Variants in KHDC1 observed in about 807,000 individuals in gnomAD.
The protein encoded by KHDC1 is KH homology domain-containing protein 1.
In KHDC1, 21 loss-of-function variants were observed where a neutral mutation model predicts 24.7. That is an observed-to-expected ratio of 0.85 (90% confidence interval 0.60 to 1.23). KHDC1 has a LOEUF of 1.23. KHDC1 is among the 50% of genes most tolerant of loss of function. The pLI is 0.00. For missense variants in KHDC1, 274 were observed against 298.5 expected, an observed-to-expected ratio of 0.92 and a Z score of 0.61; for synonymous variants, 98 against 111.7, an observed-to-expected ratio of 0.88 and a Z score of 0.77.
intron 1 of KHDC1, among the ~76,000 whole-genome samples, chr6:73,308,543 C>T (rs1350069155): frequency 6.7e-6 from 1 of 150,226 alleles, no homozygotes; most frequent in African/African-American, 2.4e-5. Flanking sequence ...GGGTCTCACT[C>T]CGATTGCCCA....
intron 2 of KHDC1, among the ~76,000 whole-genome samples, chr6:73,265,027 T>C (rs1329394566): frequency 1.3e-5 from 2 of 151,098 alleles, no homozygotes. Flanking sequence ...ATAAAAGGAG[T>C]CATTCAGCCC....
At chr6:73,249,120 T>A (rs945461816) in intron 2 of KHDC1, among the ~76,000 whole-genome samples, 24 of 152,130 alleles carry the variant, frequency 1.6e-4, no homozygotes, top group Non-Finnish European at 2.5e-4. Flanking sequence ...AGAAACCATT[T>A]AACTTTTGTG....
intron 2 of KHDC1, chr6:73,262,920 T>C: frequency 1.0e-6 from 1 of 987,494 alleles, no homozygotes; most frequent in Non-Finnish European, 1.2e-6. Context: ...TCTCTGTCCC[T>C]TCACCGGACT....
intron 2 of KHDC1, chr6:73,263,109 G>A (rs887230681): frequency 2.0e-6 from 2 of 1,009,242 alleles, no homozygotes; most frequent in Non-Finnish European, 2.4e-6. Context: ...ATTGTGAGGA[G>A]ACAGCGGTAC....
At chr6:73,275,421 C>T (rs1582570605) in intron 2 of KHDC1, 1 of 167,140 alleles carries the variant, frequency 6.0e-6, no homozygotes, top group East Asian at 1.9e-4. Context: ...AGCCTGGTTG[C>T]AACCCTGTGC....
At chr6:73,296,183 G>A (rs1044348846) in intron 1 of KHDC1, among the ~76,000 whole-genome samples, 3 of 150,534 alleles carry the variant, frequency 2.0e-5, no homozygotes, top group African/African-American at 4.9e-5. Context: ...GGCCAGGTGC[G>A]GTGGCTCATG....
intron 2 of KHDC1, among the ~76,000 whole-genome samples, chr6:73,267,483 A>G (rs1333104011): frequency 9.9e-5 from 15 of 152,054 alleles, no homozygotes; most frequent in Non-Finnish European, 1.2e-4. Flanking sequence ...ACTCCATCTC[A>G]AAAAAAAGAA....
intron 1 of KHDC1, chr6:73,300,197 C>CT (rs1767848702): frequency 6.6e-6 from 1 of 152,352 alleles, no homozygotes; most frequent in Admixed American, 6.5e-5. Flanking sequence ...AAGGCAGTGT[C>CT]ACTCTTCAGG....
intron 1 of KHDC1, among the ~76,000 whole-genome samples, chr6:73,305,457 C>A (rs902727535): frequency 2.6e-5 from 4 of 151,958 alleles, no homozygotes; most frequent in African/African-American, 9.7e-5. Context: ...TTTTTAGTTT[C>A]TCTGTGTCTG....
At chr6:73,309,603 T>C in exon 1 of KHDC1, 1 of 1,547,284 alleles carries the variant, frequency 6.5e-7, no homozygotes, top group South Asian at 1.2e-5. Context: ...ATCAGGAGCA[T>C]CGCAAGGGTC....
chr6:73,259,572 T>C (rs1475448030), intron 2 of KHDC1, among the ~76,000 whole-genome samples: 2 of 152,162 alleles, frequency 1.3e-5, no homozygotes, highest in Admixed American at 6.6e-5. Flanking sequence ...AATATTCACA[T>C]TGAGAAAGCC....
At chr6:73,241,819 G>T in intron 4 of KHDC1, 91 bp from the exon 4 acceptor site, 2 of 1,402,396 alleles carry the variant, frequency 1.4e-6, no homozygotes, top group Non-Finnish European at 2.0e-6. Flanking sequence ...CTGCAGGGAG[G>T]ATGTCACCCC....
intron 2 of KHDC1, among the ~76,000 whole-genome samples, chr6:73,289,600 T>C (rs1767598826): frequency 6.8e-6 from 1 of 146,324 alleles, no homozygotes. Context: ...CAGTGAGCCA[T>C]GATCACGCCA....
At chr6:73,277,985 G>A (rs1287043901) in intron 2 of KHDC1, among the ~76,000 whole-genome samples, 5 of 128,370 alleles carry the variant, frequency 3.9e-5, no homozygotes, top group Non-Finnish European at 3.2e-5. Context: ...TTTTGTAGAT[G>A]CTTTCTCTCT....
At chr6:73,273,643 C>A (rs906317259) in intron 2 of KHDC1, among the ~76,000 whole-genome samples, 45 of 151,228 alleles carry the variant, frequency 3.0e-4, no homozygotes, top group African/African-American at 1.1e-3. Context: ...GGTGAAACCC[C>A]GTCTCTACTA....
chr6:73,274,567 C>G (rs1036032477), intron 2 of KHDC1: 1 of 152,160 alleles, frequency 6.6e-6, no homozygotes, highest in Non-Finnish European at 1.5e-5. Context: ...GTGACTCTCA[C>G]GACATCTGAT....
At chr6:73,289,881 A>G (rs1582581626) in intron 2 of KHDC1, among the ~76,000 whole-genome samples, 1 of 151,774 alleles carries the variant, frequency 6.6e-6, no homozygotes, top group Middle Eastern at 3.4e-3. Context: ...CGGGTGGATC[A>G]TGAGGTCAGG....
At chr6:73,292,157 A>G in intron 1 of KHDC1, 2 of 1,551,008 alleles carry the variant, frequency 1.3e-6, no homozygotes, top group South Asian at 1.1e-5. Flanking sequence ...TTCTGATGAT[A>G]TTCCTCATGC....
chr6:73,297,185 G>A (rs1767773556), intron 1 of KHDC1, among the ~76,000 whole-genome samples: 1 of 152,108 alleles, frequency 6.6e-6, no homozygotes, highest in Non-Finnish European at 1.5e-5. Context: ...ACAGTCATGA[G>A]CCATCATTAC....
Sources: gnomAD v4.1 joint callset for allele counts (sites outside exome capture counted in the v4.1 genomes callset) on GRCh38, gnomAD v4.1.1 for gene constraint, MANE v1.5 for transcripts, NCBI Gene and HGNC (gene_info 2026-07-23, HGNC 2026-07-21) for gene names.